Variants in PALM2AKAP2 observed in about 807,000 individuals in gnomAD.
The protein encoded by PALM2AKAP2 is PALM2 and AKAP2 fusion, also known as PALM2-AKAP2 fusion protein.
PALM2AKAP2 carries 37 observed loss-of-function variants against 71.5 expected under a neutral mutation model. The observed-to-expected ratio is 0.52, with a 90% CI of 0.40 to 0.68. PALM2AKAP2 has a LOEUF of 0.68. Among genes scored for constraint, PALM2AKAP2 ranks in the 30% least tolerant of loss-of-function variants. PALM2AKAP2 has a pLI of 0.00. For synonymous variants in PALM2AKAP2, 468 were observed against 478.8 expected, an observed-to-expected ratio of 0.98 and a Z score of 0.29; for missense variants, 1,224 against 1,191.8, an observed-to-expected ratio of 1.03 and a Z score of -0.40.
At chr9:110,146,592 A>G (rs892120973) in intron 2 of PALM2AKAP2, among the ~76,000 whole-genome samples, 2 of 152,240 alleles carry the variant, frequency 1.3e-5, no homozygotes, top group Non-Finnish European at 2.9e-5. Flanking sequence ...TTGGTAAGAA[A>G]TAGGAACTAA....
chr9:109,987,065 G>T (rs771052056), intron 6 of PALM2AKAP2, among the ~76,000 whole-genome samples: 1 of 152,120 alleles, frequency 6.6e-6, no homozygotes, highest in Non-Finnish European at 1.5e-5. Flanking sequence ...GGTGGAAGCT[G>T]TGTGAATATT....
In PALM2AKAP2 at chr9:110,070,086, G is replaced by C. The variant is rs74861792; in HGVS notation, c.156+21231G>C. 3.5e-3 allele frequency among the ~76,000 whole-genome samples: 539 copies of C among 152,254 alleles called. 4 individuals carry two copies. The highest frequency in any genetic ancestry group is 0.012 in the African/African-American group (513 of 41,534). Reference sequence around the variant, plus strand: ...GAAAACTCCAGAGAGGGAAGCTTGTGACCATGACTCCTAGCAGAGCGGTAC... The same window carrying C: ...GAAAACTCCAGAGAGGGAAGCTTGTCACCATGACTCCTAGCAGAGCGGTAC... On this transcript the variant is annotated intron_variant, in intron 1 of 3. Coordinates refer to ENST00000374525, the Ensembl canonical transcript of PALM2AKAP2.
intron 3 of PALM2AKAP2, among the ~76,000 whole-genome samples, chr9:109,923,183 AG>A (rs1411006565): frequency 6.6e-6 from 1 of 152,198 alleles, no homozygotes; most frequent in East Asian, 1.9e-4. Flanking sequence ...TCCAAAAGGC[AG>A]GGGCAGTTGC....
At chr9:109,981,412 G>A (rs140978850) in intron 6 of PALM2AKAP2, among the ~76,000 whole-genome samples, 488 of 152,288 alleles carry the variant, frequency 3.2e-3, no homozygotes, top group African/African-American at 0.011. Flanking sequence ...GAGAAGTAGC[G>A]GAATGAAAGC....
At chr9:109,946,729 C>T (rs1588026827) in intron 6 of PALM2AKAP2, 2 of 147,718 alleles carry the variant, frequency 1.4e-5, no homozygotes, top group East Asian at 4.0e-4. Context: ...AATCAGTTCC[C>T]TTTTAAATAG....
intron 1 of PALM2AKAP2, among the ~76,000 whole-genome samples, chr9:110,070,238 G>T (rs1225643970): frequency 6.6e-6 from 1 of 152,224 alleles, no homozygotes; most frequent in African/African-American, 2.4e-5. Flanking sequence ...TGCAGTCTCA[G>T]AGAAGCTACG....
intron 1 of PALM2AKAP2, among the ~76,000 whole-genome samples, chr9:109,773,702 A>G (rs1829308461): frequency 1.3e-5 from 2 of 152,208 alleles, no homozygotes; most frequent in African/African-American, 4.8e-5. Context: ...ACAAAGTCAC[A>G]CAGCAAGTGG....
At chr9:109,929,188 T>G (rs894938245) in intron 5 of PALM2AKAP2, among the ~76,000 whole-genome samples, 24 of 151,408 alleles carry the variant, frequency 1.6e-4, no homozygotes, top group African/African-American at 5.6e-4. Context: ...TTTTTGTTTC[T>G]TTTTTAAACT....
chr9:109,922,165 G>A (rs1344885453), intron 3 of PALM2AKAP2, among the ~76,000 whole-genome samples: 1 of 151,894 alleles, frequency 6.6e-6, no homozygotes, highest in Non-Finnish European at 1.5e-5. Context: ...CACGCCTGTA[G>A]TCTCAGCACT....
Position 109,954,581 on chromosome 9 carries a change from C to T in PALM2AKAP2, c.496+22553C>T, listed in dbSNP as rs557343123. 8.2e-4 allele frequency among the ~76,000 whole-genome samples: 120 copies of T among 146,788 alleles called. 1 individual carries two copies. The highest frequency in any genetic ancestry group is 3.4e-3 in the Middle Eastern group (1 of 290). On this transcript the variant is annotated intron_variant, in intron 6 of 9. Transcript: ENST00000302798. Reference sequence around the variant, plus strand: ...CTAGATGACGCGTTAGTGGGTGCAGCGCACCAGCATGGCACATGTATACAT... The same window carrying T: ...CTAGATGACGCGTTAGTGGGTGCAGTGCACCAGCATGGCACATGTATACAT...
intron 6 of PALM2AKAP2, among the ~76,000 whole-genome samples, chr9:109,995,632 C>G (rs1832558932): frequency 6.6e-6 from 1 of 152,150 alleles, no homozygotes; most frequent in Non-Finnish European, 1.5e-5. Flanking sequence ...ATAAAACCAT[C>G]AGATCTCACA....
At chr9:109,788,577 T>TG (rs1355179310) in intron 1 of PALM2AKAP2, among the ~76,000 whole-genome samples, 1 of 152,180 alleles carries the variant, frequency 6.6e-6, no homozygotes, top group Non-Finnish European at 1.5e-5. Context: ...ACTGCTATTC[T>TG]GGGGAACACA....
At chr9:109,702,752 T>TAA (rs566421995) in intron 1 of PALM2AKAP2, among the ~76,000 whole-genome samples, 25,297 of 139,404 alleles carry the variant, frequency 0.18, 2,410 homozygotes, top group Middle Eastern at 0.33. Flanking sequence ...GGTATAATAA[T>TAA]AAAAAAAAAA....
At chr9:109,706,398 A>C (rs1262242571) in intron 1 of PALM2AKAP2, among the ~76,000 whole-genome samples, 1 of 152,214 alleles carries the variant, frequency 6.6e-6, no homozygotes, top group Non-Finnish European at 1.5e-5. Context: ...GAAAGATACA[A>C]ATAATAACAA....
intron 1 of PALM2AKAP2, among the ~76,000 whole-genome samples, chr9:109,740,256 T>C (rs1828698160): frequency 6.6e-6 from 1 of 152,218 alleles, no homozygotes. Context: ...CAGGAAGGTT[T>C]CATTCCAGGG....
intron 1 of PALM2AKAP2, among the ~76,000 whole-genome samples, chr9:109,692,771 C>G (rs570728982): frequency 1.1e-4 from 16 of 151,898 alleles, no homozygotes; most frequent in African/African-American, 3.1e-4. Context: ...ATGAACCTTG[C>G]CTTTGGGGAT....
intron 1 of PALM2AKAP2, among the ~76,000 whole-genome samples, chr9:109,702,760 A>G (rs1827083841): frequency 6.6e-6 from 1 of 151,458 alleles, no homozygotes; most frequent in Non-Finnish European, 1.5e-5. Flanking sequence ...AATAAAAAAA[A>G]AAAAAGAAAA....
chr9:109,685,067 T>A (rs1472421077), intron 1 of PALM2AKAP2, among the ~76,000 whole-genome samples: 1 of 152,188 alleles, frequency 6.6e-6, no homozygotes, highest in Non-Finnish European at 1.5e-5. Context: ...GTCTATATGA[T>A]CCATTTATGT....
intron 3 of PALM2AKAP2, among the ~76,000 whole-genome samples, chr9:110,157,029 G>A (rs568917991): frequency 5.3e-5 from 8 of 152,330 alleles, no homozygotes; most frequent in African/African-American, 1.9e-4. Context: ...CAGTGAAAAT[G>A]ACAGTTGAAA....
Sources: allele counts gnomAD v4.1 joint callset (sites outside exome capture counted in the v4.1 genomes callset), GRCh38; gene constraint gnomAD v4.1.1; transcripts MANE v1.5; gene names NCBI Gene and HGNC (gene_info 2026-07-23, HGNC 2026-07-21).